Variants in SHPRH observed in about 807,000 individuals in gnomAD.
SHPRH encodes the protein E3 ubiquitin-protein ligase SHPRH.
SHPRH carries 106 observed loss-of-function variants against 202.5 expected under a neutral mutation model. The ratio of observed to expected loss-of-function variants is 0.52; its 90% CI spans 0.45 to 0.62. The LOEUF is 0.62. Among genes scored for constraint, SHPRH ranks in the 20% least tolerant of loss-of-function variants. The pLI is 0.00. For synonymous variants in SHPRH, 729 were observed against 686.0 expected, an observed-to-expected ratio of 1.06 and a Z score of -0.98; for missense variants, 1,710 against 2,020.0, an observed-to-expected ratio of 0.85 and a Z score of 2.94.
At position 145,886,209 on chromosome 6, in the gene SHPRH, G is replaced by T. The variant is rs901751634; in HGVS notation, c.*482C>A. 7.6e-6 allele frequency: 3 copies of T among 395,512 alleles called. No individual in the cohort carries two copies. Among genetic ancestry groups the T allele is most frequent in the African/African-American group, 6.0e-5 (3 of 50,100 alleles). The allele number at this position is 395,512 out of a possible 1,614,324, so 24.5% of individuals were successfully genotyped here. On this transcript the variant is annotated 3_prime_UTR_variant, in exon 30 of 30. Transcript: ENST00000275233. ...TATGGTATAAGCCTACTCAAAAAAT[G>T]GGTTAATATAATTCACCATCTACTT...
At chr6:145,903,987 T>G (rs1403174935) in intron 25 of SHPRH, 1 of 152,074 alleles carries the variant, frequency 6.6e-6, no homozygotes, top group Non-Finnish European at 1.5e-5. Context: ...GTCTTCAACT[T>G]AAGTGCATCC....
At chr6:145,893,506 C>G (rs1781747017) in intron 27 of SHPRH, 113 bp from the exon 28 acceptor site, 1 of 1,002,066 alleles carries the variant, frequency 1.0e-6, no homozygotes, top group South Asian at 2.7e-5. Context: ...TGAAAGGTAA[C>G]AGCTAAGAAA....
Position 145,955,095 on chromosome 6 carries a change from C to T in SHPRH, c.228G>A (p.Val76=), listed in dbSNP as rs762812255. 9.9e-6 allele frequency: 16 copies of T among 1,613,336 alleles called. No individual in the cohort carries two copies. The highest frequency in any genetic ancestry group is 1.4e-5 in the Non-Finnish European group (16 of 1,179,918). ...AHRDKKRCSK[V]VSFSKPIEKE... ...TTTCAATTGGTTTTGAGAAGCTCAC[C>T]ACTTTTGAACACCTCTTCTTATCTC... is the stretch of plus-strand genomic sequence containing the variant. Residue 76 remains valine (V), a synonymous_variant, in exon 2 of 30, where the codon GTG becomes GTA. Coordinates refer to ENST00000275233, the MANE Select transcript of SHPRH (RefSeq NM_001042683.3).
At chr6:145,878,519 A>T (rs144874583) in intron 2 of SHPRH, among the ~76,000 whole-genome samples, 219 of 152,250 alleles carry the variant, frequency 1.4e-3, no homozygotes, top group African/African-American at 5.0e-3. Context: ...AAAGCTGTTG[A>T]TCATCTTTTC....
chr6:145,895,471 G>A (rs1198925906), intron 25 of SHPRH, among the ~76,000 whole-genome samples: 1 of 151,268 alleles, frequency 6.6e-6, no homozygotes, highest in African/African-American at 2.4e-5. Context: ...AACAATGACA[G>A]AGGTACAAAT....
At chr6:145,945,354 T>G (rs1234893392) in intron 8 of SHPRH, 27 bp downstream of exon 8, 1 of 1,591,028 alleles carries the variant, frequency 6.3e-7, no homozygotes. Context: ...GTGTACTTAA[T>G]ATAGAGCTGA....
intron 2 of SHPRH, among the ~76,000 whole-genome samples, chr6:145,870,022 T>C (rs1404947396): frequency 6.6e-6 from 1 of 151,986 alleles, no homozygotes; most frequent in African/African-American, 2.4e-5. Flanking sequence ...ATTTTTTTTC[T>C]TCAGTGTTTT....
At chr6:145,895,757 T>G (rs971431168) in intron 25 of SHPRH, among the ~76,000 whole-genome samples, 2 of 152,026 alleles carry the variant, frequency 1.3e-5, no homozygotes, top group African/African-American at 4.8e-5. Context: ...GTTCAACTCA[T>G]AGTTCTACAA....
chr6:145,931,420 T>C (rs1785429346), intron 14 of SHPRH, among the ~76,000 whole-genome samples: 2 of 152,276 alleles, frequency 1.3e-5, no homozygotes, highest in South Asian at 4.1e-4. Flanking sequence ...TGGTGCAATC[T>C]CAGCTCACTG....
Position 145,938,193 on chromosome 6 carries a change from G to C in SHPRH, c.2569+2530C>G, listed in dbSNP as rs1194927764. Among the ~76,000 whole-genome samples, 3 of 152,072 alleles carry C rather than the reference G, an allele frequency of 2.0e-5. No homozygotes were observed. The East Asian group carries it at 5.8e-4, about 29-fold the overall frequency. On this transcript the variant is annotated intron_variant, in intron 11 of 29. Transcript: ENST00000275233. ...CATGAGGGTGGAACCCTCATGAGTGGATTAATTGTCATTATTGCAGGAGCG... is the reference window on the plus strand; with the variant it reads ...CATGAGGGTGGAACCCTCATGAGTGCATTAATTGTCATTATTGCAGGAGCG...
intron 27 of SHPRH, 31 bp from the exon 28 acceptor site, chr6:145,893,424 CTCGA>C (rs1781739095): frequency 1.3e-6 from 2 of 1,543,708 alleles, no homozygotes; most frequent in Non-Finnish European, 8.7e-7. Context: ...TTAATTTTAG[CTCGA>C]TCAGTTAAAA....
intron 14 of SHPRH, among the ~76,000 whole-genome samples, 172 bp downstream of exon 14, chr6:145,932,885 T>C (rs533305695): frequency 6.6e-6 from 1 of 152,308 alleles, no homozygotes; most frequent in Admixed American, 6.5e-5. Context: ...CAAAACGTTC[T>C]ATGAAACTGC....
intron 28 of SHPRH, among the ~76,000 whole-genome samples, chr6:145,892,891 A>G (rs921482843): frequency 6.6e-6 from 1 of 152,086 alleles, no homozygotes; most frequent in Non-Finnish European, 1.5e-5. Flanking sequence ...GATGCCTTCA[A>G]CTTTGTAGCT....
At chr6:145,960,719 T>C (rs536222573) in intron 1 of SHPRH, among the ~76,000 whole-genome samples, 1 of 152,320 alleles carries the variant, frequency 6.6e-6, no homozygotes, top group Non-Finnish European at 1.5e-5. Context: ...ATAATTTAAG[T>C]ACAACAGCAG....
At chr6:145,887,869 G>T in intron 29 of SHPRH, 151 bp downstream of exon 29, 1 of 615,908 alleles carries the variant, frequency 1.6e-6, no homozygotes, top group Non-Finnish European at 2.9e-6. Context: ...GCACTGACTG[G>T]GAAACAGTGA....
At position 145,948,252 on chromosome 6, in the gene SHPRH, T is replaced by G; in HGVS notation, c.1061+20A>C. 1 of 1,529,180 alleles carries G rather than the reference T, an allele frequency of 6.5e-7. No homozygotes were observed. Among genetic ancestry groups the G allele is most frequent in the Non-Finnish European group, 8.8e-7 (1 of 1,131,160 alleles). The allele number at this position is 1,529,180 out of a possible 1,614,324, so 94.7% of individuals were successfully genotyped here. ...ATATTTATTTTTTAAATCAAGCATA[T>G]AAGTAAAATTTTGCCTTACCAGCCT... is the stretch of plus-strand genomic sequence containing the variant. On this transcript the variant is annotated intron_variant, in intron 5 of 29. Transcript: ENST00000275233.
chr6:145,958,735 G>C (rs531409892), intron 1 of SHPRH, among the ~76,000 whole-genome samples: 1 of 152,270 alleles, frequency 6.6e-6, no homozygotes, highest in Non-Finnish European at 1.5e-5. Context: ...TGACATTTTG[G>C]TCAATGAGGG....
intron 11 of SHPRH, 145 bp downstream of exon 11, chr6:145,940,578 G>A: frequency 2.8e-6 from 2 of 719,454 alleles, no homozygotes; most frequent in South Asian, 2.1e-5. Flanking sequence ...AAAGATAAAT[G>A]CTTGAAACTA....
chr6:145,859,901 A>G (rs1330418284), downstream of SHPRH, among the ~76,000 whole-genome samples: 1 of 152,044 alleles, frequency 6.6e-6, no homozygotes, highest in Non-Finnish European at 1.5e-5. Flanking sequence ...TTACAGATAC[A>G]TTAATGGTGT....
Sources: gnomAD v4.1 joint callset for allele counts (sites outside exome capture counted in the v4.1 genomes callset) on GRCh38, gnomAD v4.1.1 for gene constraint, MANE v1.5 for transcripts, NCBI Gene and HGNC (gene_info 2026-07-23, HGNC 2026-07-21) for gene names.